The following ZDHHC3 variants were observed in gnomAD, a reference collection of about 807,000 sequenced individuals.
ZDHHC3 encodes the protein zDHHC palmitoyltransferase 3.
A neutral mutation model predicts 30.6 loss-of-function variants in ZDHHC3; 9 were observed. The ratio of observed to expected loss-of-function variants is 0.29; its 90% CI spans 0.18 to 0.51. The LOEUF is 0.51. Among genes scored for constraint, ZDHHC3 ranks in the 20% least tolerant of loss-of-function variants. The pLI, the probability that ZDHHC3 is intolerant of heterozygous loss-of-function variation, is 0.97. For synonymous variants in ZDHHC3, 136 were observed against 140.2 expected, an observed-to-expected ratio of 0.97 and a Z score of 0.21; for missense variants, 246 against 384.2, an observed-to-expected ratio of 0.64 and a Z score of 3.01.
At chr3:44,935,379 T>C (rs1701867593) in intron 3 of ZDHHC3, among the ~76,000 whole-genome samples, 1 of 152,146 alleles carries the variant, frequency 6.6e-6, no homozygotes, top group African/African-American at 2.4e-5. Context: ...CAGCAATCCT[T>C]CCACCTCAGC....
In ZDHHC3 at chr3:44,946,767, G is replaced by A. The variant is rs114813511; in HGVS notation, c.307-1475C>T. ...GAGCATGGCATATCTGGGAGACAGG[G>A]AGAATATCAGTGTGCTGAACTGTGC... On this transcript the variant is annotated intron_variant, in intron 2 of 6. Transcript: ENST00000424952. 3.0e-3 allele frequency among the ~76,000 whole-genome samples: 453 copies of A among 152,298 alleles called. 3 individuals carry two copies. Among genetic ancestry groups the A allele is most frequent in the African/African-American group, 0.01 (425 of 41,566 alleles).
chr3:44,964,127 C>T (rs982478305), intron 1 of ZDHHC3, among the ~76,000 whole-genome samples: 4 of 152,184 alleles, frequency 2.6e-5, no homozygotes, highest in Non-Finnish European at 4.4e-5. Flanking sequence ...TCCTGAGTGA[C>T]TGGTCACATA....
In ZDHHC3 at chr3:44,925,015, G is replaced by T; in HGVS notation, c.*1674C>A. 2.0e-6 allele frequency: 2 copies of T among 985,424 alleles called. No individual in the cohort carries two copies. Among genetic ancestry groups the T allele is most frequent in the Non-Finnish European group, 2.4e-6 (2 of 829,914 alleles). 61.0% of individuals were successfully genotyped at this position (985,424 alleles called of 1,614,324 possible). On this transcript the variant is annotated 3_prime_UTR_variant, in exon 7 of 7. Coordinates refer to ENST00000424952, the MANE Select transcript of ZDHHC3 (RefSeq NM_001135179.2). ...GGTGGGGCAAGCTGGTTCAAGAGAGGGACCATAAATGCATTTTAAAACAAA... is the reference window on the plus strand; with the variant it reads ...GGTGGGGCAAGCTGGTTCAAGAGAGTGACCATAAATGCATTTTAAAACAAA...
intron 3 of ZDHHC3, among the ~76,000 whole-genome samples, chr3:44,935,339 G>A (rs943017074): frequency 5.3e-5 from 8 of 152,124 alleles, no homozygotes; most frequent in Admixed American, 6.5e-5. Context: ...GCAGTGGTGC[G>A]ATCACGACTC....
chr3:44,955,463 ATATATATATATATG>A (rs1467180031), intron 2 of ZDHHC3, among the ~76,000 whole-genome samples: 2 of 147,096 alleles, frequency 1.4e-5, no homozygotes, highest in Non-Finnish European at 1.5e-5. Context: ...GTTTTTATAT[ATATATATATATATG>A]TATATATATA....
chr3:44,918,416 C>T lies in ZDHHC3; in HGVS notation c.*8273G>A. ...ACTGACGTGTTCTCCACCCACCACC[C>T]AGCCCTCCCCTTCTTTCCTTCCACA... On this transcript the variant is annotated 3_prime_UTR_variant, in exon 7 of 7. Transcript: ENST00000424952. 3 of 985,376 alleles carry T rather than the reference C, an allele frequency of 3.0e-6. No homozygotes were observed. Among genetic ancestry groups the T allele is most frequent in the Non-Finnish European group, 2.4e-6 (2 of 829,922 alleles). The allele number at this position is 985,376 out of a possible 1,614,324, so 61.0% of individuals were successfully genotyped here.
At chr3:44,953,582 C>T (rs1022969165) in intron 2 of ZDHHC3, among the ~76,000 whole-genome samples, 7 of 152,194 alleles carry the variant, frequency 4.6e-5, no homozygotes, top group Non-Finnish European at 8.8e-5. Context: ...AAAGCCCGTG[C>T]ACACCCACCA....
rs1334291947 is a variant in ZDHHC3, at chr3:44,926,133, A to C, written c.*556T>G. On this transcript the variant is annotated 3_prime_UTR_variant, in exon 7 of 7. Coordinates refer to ENST00000424952, the MANE Select transcript of ZDHHC3 (RefSeq NM_001135179.2). ...AATTGCTTTGCGAGTTAGCAGGCAA[A>C]CCGTGTCCACTTGGGGGATGAGGTC... 1.0e-6 allele frequency: 1 copy of C among 985,728 alleles called. No individual in the cohort carries two copies. The highest frequency in any genetic ancestry group is 1.2e-6 in the Non-Finnish European group (1 of 830,014). The allele number at this position is 985,728 out of a possible 1,614,324, so 61.1% of individuals were successfully genotyped here. A position where few individuals can be genotyped will look rare whatever the true frequency, so the allele number is the denominator to read the frequency against.
chr3:44,929,162 A>C, intron 6 of ZDHHC3, 144 bp downstream of exon 6: 1 of 1,101,026 alleles, frequency 9.1e-7, no homozygotes. Flanking sequence ...CCCAAGTGTA[A>C]CTGCAAACAA....
chr3:44,959,065 C>G lies in ZDHHC3; in HGVS notation c.306+66G>C, dbSNP rs1704218996. 3.2e-6 allele frequency: 5 copies of G among 1,577,744 alleles called. No individual in the cohort carries two copies. The highest frequency in any genetic ancestry group is 4.3e-6 in the Non-Finnish European group (5 of 1,155,924). ...CCAAGGTCCAGGGGGAACATGCAGGCTGTGGCCATGCCAGAGCCAGAGGAG... is the reference window on the plus strand; with the variant it reads ...CCAAGGTCCAGGGGGAACATGCAGGGTGTGGCCATGCCAGAGCCAGAGGAG... On this transcript the variant is annotated intron_variant, in intron 2 of 6. Coordinates refer to ENST00000424952, the MANE Select transcript of ZDHHC3 (RefSeq NM_001135179.2). This position sits in a 1 kb window ranked among gnomAD's most constrained non-coding sequence, Gnocchi z 4.3.
intron 1 of ZDHHC3, among the ~76,000 whole-genome samples, chr3:44,975,054 AT>A (rs75953495): frequency 0.35 from 50,494 of 144,262 alleles, 8,736 homozygotes; most frequent in East Asian, 0.75. Flanking sequence ...GATAAATACC[AT>A]TTTTTTTTTT....
Position 44,924,667 on chromosome 3 carries a change from A to G in ZDHHC3, c.*2022T>C, listed in dbSNP as rs1036161006. 7.1e-6 allele frequency: 7 copies of G among 985,352 alleles called. No homozygotes were observed. The highest frequency in any genetic ancestry group is 8.4e-6 in the Non-Finnish European group (7 of 829,944). 61.0% of individuals were successfully genotyped at this position (985,352 alleles called of 1,614,324 possible). ...CTTTAAAAAATGCCCTGGAAGATGG[A>G]GTATTACCAATCTCTTCCCCCTAGG... On this transcript the variant is annotated 3_prime_UTR_variant, in exon 7 of 7. Coordinates refer to ENST00000424952, the MANE Select transcript of ZDHHC3 (RefSeq NM_001135179.2).
chr3:44,943,965 G>C (rs62242648), intron 3 of ZDHHC3, among the ~76,000 whole-genome samples: 2 of 152,072 alleles, frequency 1.3e-5, no homozygotes, highest in Non-Finnish European at 1.5e-5. Context: ...GTGAGACCCA[G>C]TCTCAAAATA....
chr3:44,962,389 C>T (rs913656584), intron 1 of ZDHHC3, among the ~76,000 whole-genome samples: 2 of 152,112 alleles, frequency 1.3e-5, no homozygotes, highest in Non-Finnish European at 2.9e-5. Flanking sequence ...GGAATAAGCC[C>T]TTCCACGTAA....
intron 2 of ZDHHC3, among the ~76,000 whole-genome samples, chr3:44,946,778 T>C (rs910957422): frequency 6.6e-6 from 1 of 152,130 alleles, no homozygotes; most frequent in Non-Finnish European, 1.5e-5. Flanking sequence ...AGAATATCAG[T>C]GTGCTGAACT....
intron 2 of ZDHHC3, chr3:44,958,588 C>T: frequency 6.5e-7 from 1 of 1,536,100 alleles, no homozygotes; most frequent in Non-Finnish European, 8.7e-7. Flanking sequence ...AGATATTCAC[C>T]AAGAGGCACT....
chr3:44,924,015 A>G lies in ZDHHC3; in HGVS notation c.*2674T>C. Reference sequence around the variant, plus strand: ...AAACCTGACAGAGTTGACAGAAGGAAAGCAAGCTGGGGATCACAATCCAAC... The same window carrying G: ...AAACCTGACAGAGTTGACAGAAGGAGAGCAAGCTGGGGATCACAATCCAAC... On this transcript the variant is annotated 3_prime_UTR_variant, in exon 7 of 7. Transcript: ENST00000424952. 1 of 985,428 alleles carries G rather than the reference A, an allele frequency of 1.0e-6. No homozygotes were observed. The highest frequency in any genetic ancestry group is 1.2e-6 in the Non-Finnish European group (1 of 829,932). 61.0% of individuals were successfully genotyped at this position (985,428 alleles called of 1,614,324 possible).
intron 1 of ZDHHC3, among the ~76,000 whole-genome samples, chr3:44,973,557 C>T (rs905563668): frequency 6.6e-6 from 1 of 152,140 alleles, no homozygotes; most frequent in Non-Finnish European, 1.5e-5. Flanking sequence ...CTCCTGGGTT[C>T]AAGCGATTCT....
chr3:44,919,839 C>T lies in ZDHHC3; in HGVS notation c.*6850G>A, dbSNP rs1004616368. ...TCACATTTTTGTAAGTCTGATTTCA[C>T]AAAAAGTTTAAAAATAATCAATAAT... On this transcript the variant is annotated 3_prime_UTR_variant, in exon 7 of 7. Coordinates refer to ENST00000424952, the MANE Select transcript of ZDHHC3 (RefSeq NM_001135179.2). The T allele has an allele frequency of 3.1e-5, 31 of 1,003,710 alleles. 1 individual carries two copies. Among genetic ancestry groups the T allele is most frequent in the Middle Eastern group, 1.0e-3 (2 of 1,992 alleles). The allele number at this position is 1,003,710 out of a possible 1,614,324, so 62.2% of individuals were successfully genotyped here.
Sources: allele counts gnomAD v4.1 joint callset (sites outside exome capture counted in the v4.1 genomes callset), GRCh38; gene constraint gnomAD v4.1.1; non-coding constraint Gnocchi (gnomAD v3.1); transcripts MANE v1.5; gene names NCBI Gene and HGNC (gene_info 2026-07-23, HGNC 2026-07-21).